Variants in UBE2G1 observed in about 807,000 individuals in gnomAD.
UBE2G1 encodes the protein ubiquitin conjugating enzyme E2 G1.
Under a neutral mutation model 22.7 loss-of-function variants are expected in UBE2G1, and 5 were observed. That is an observed-to-expected ratio of 0.22 (90% CI 0.12 to 0.46). UBE2G1 has a LOEUF of 0.46. Among genes scored for constraint, UBE2G1 ranks in the 20% least tolerant of loss-of-function variants. The pLI is 0.99. For missense variants in UBE2G1, 88 were observed against 203.9 expected, an observed-to-expected ratio of 0.43 and a Z score of 3.46; for synonymous variants, 74 against 67.5, an observed-to-expected ratio of 1.10 and a Z score of -0.47.
chr17:4,274,259 G>A (rs1012903732), intron 5 of UBE2G1, among the ~76,000 whole-genome samples: 6 of 144,754 alleles, frequency 4.1e-5, no homozygotes, highest in Admixed American at 1.4e-4. Context: ...GTGCAGTGGC[G>A]CGATCTCGGC....
At chr17:4,296,634 A>G in intron 3 of UBE2G1, 83 bp downstream of exon 3, 1 of 1,349,610 alleles carries the variant, frequency 7.4e-7, no homozygotes, top group East Asian at 2.3e-5. Context: ...TCACTGAGAA[A>G]CAGATCTTTC....
chr17:4,350,673 A>G (rs537999325), intron 1 of UBE2G1, among the ~76,000 whole-genome samples: 1 of 152,286 alleles, frequency 6.6e-6, no homozygotes, highest in East Asian at 1.9e-4. Context: ...ATGCAGCTAT[A>G]TCATTTTCCT....
At chr17:4,274,927 T>TGTAGTCCCAGCTACTCCAGAGGCTGAG (rs61291097) in intron 5 of UBE2G1, among the ~76,000 whole-genome samples, 1 of 151,810 alleles carries the variant, frequency 6.6e-6, no homozygotes, top group Non-Finnish European at 1.5e-5. Context: ...GGCACATGCC[T>TGTAGTCCCAGCTACTCCAGAGGCTGAG]GTGGGAGGAC....
intron 1 of UBE2G1, among the ~76,000 whole-genome samples, chr17:4,314,075 A>G (rs1969341114): frequency 6.6e-6 from 1 of 152,226 alleles, no homozygotes; most frequent in Non-Finnish European, 1.5e-5. Flanking sequence ...ATAAAATGAC[A>G]TTGCTTTCAA....
At chr17:4,363,343 T>C (rs771485724) in intron 1 of UBE2G1, among the ~76,000 whole-genome samples, 5 of 152,176 alleles carry the variant, frequency 3.3e-5, no homozygotes, top group Non-Finnish European at 7.3e-5. Flanking sequence ...TGCAGCTAAG[T>C]AACTTTACAA....
At chr17:4,333,485 G>A (rs1969606823) in intron 1 of UBE2G1, among the ~76,000 whole-genome samples, 1 of 152,064 alleles carries the variant, frequency 6.6e-6, no homozygotes, top group Non-Finnish European at 1.5e-5. Context: ...ACACCAGCCT[G>A]GCCAACATGG....
At chr17:4,342,454 G>A (rs1002460279) in intron 1 of UBE2G1, among the ~76,000 whole-genome samples, 5 of 152,226 alleles carry the variant, frequency 3.3e-5, no homozygotes, top group South Asian at 2.1e-4. Flanking sequence ...TTAGTCAGGC[G>A]CAGTGGTGCA....
chr17:4,298,555 A>G (rs1969137420), intron 2 of UBE2G1, among the ~76,000 whole-genome samples: 1 of 152,246 alleles, frequency 6.6e-6, no homozygotes, highest in Non-Finnish European at 1.5e-5. Flanking sequence ...GTTTAAAAAA[A>G]GAGACAGATC....
intron 2 of UBE2G1, chr17:4,302,377 T>G: frequency 2.0e-6 from 1 of 488,402 alleles, no homozygotes; most frequent in South Asian, 1.6e-5. Context: ...TGGGTTGCTG[T>G]GTCTTCTGGG....
At chr17:4,286,536 C>T (rs1461399152) in intron 4 of UBE2G1, among the ~76,000 whole-genome samples, 1 of 151,992 alleles carries the variant, frequency 6.6e-6, no homozygotes, top group Non-Finnish European at 1.5e-5. Flanking sequence ...AGATTTTGCA[C>T]AATTTGTGGT....
intron 1 of UBE2G1, among the ~76,000 whole-genome samples, chr17:4,361,949 A>T (rs1284655425): frequency 6.9e-6 from 1 of 144,354 alleles, no homozygotes; most frequent in African/African-American, 2.7e-5. Context: ...GCGACAGAGC[A>T]AGACTGTCTC....
chr17:4,314,213 T>C (rs918125577), intron 1 of UBE2G1, among the ~76,000 whole-genome samples: 1 of 152,170 alleles, frequency 6.6e-6, no homozygotes, highest in African/African-American at 2.4e-5. Context: ...GAGAAATGGC[T>C]GACTCCAGGT....
At chr17:4,297,993 C>T (rs190461632) in intron 2 of UBE2G1, among the ~76,000 whole-genome samples, 315 of 152,190 alleles carry the variant, frequency 2.1e-3, no homozygotes, top group African/African-American at 7.1e-3. Context: ...TAAAAGGATA[C>T]AACAGAGAAC....
intron 1 of UBE2G1, among the ~76,000 whole-genome samples, chr17:4,351,480 G>T (rs1341195303): frequency 6.6e-6 from 1 of 152,100 alleles, no homozygotes; most frequent in Admixed American, 6.6e-5. Context: ...AAATGCTCAG[G>T]GCAGAAGAAG....
intron 1 of UBE2G1, among the ~76,000 whole-genome samples, chr17:4,331,179 A>C (rs980823331): frequency 6.6e-6 from 1 of 152,202 alleles, no homozygotes; most frequent in African/African-American, 2.4e-5. Context: ...CCTTTCTAGA[A>C]GGCAATCAGT....
chr17:4,344,991 C>A (rs1235690352), intron 1 of UBE2G1, among the ~76,000 whole-genome samples: 2 of 152,230 alleles, frequency 1.3e-5, no homozygotes, highest in East Asian at 3.9e-4. Flanking sequence ...AATGAAGAAT[C>A]AAACTTCAAA....
At chr17:4,315,518 A>T (rs1969356272) in intron 1 of UBE2G1, among the ~76,000 whole-genome samples, 1 of 151,850 alleles carries the variant, frequency 6.6e-6, no homozygotes, top group African/African-American at 2.4e-5. Flanking sequence ...AGACGGGCGG[A>T]TCATGAGGTC....
chr17:4,309,955 C>A (rs1051382148), intron 1 of UBE2G1, among the ~76,000 whole-genome samples: 1 of 152,194 alleles, frequency 6.6e-6, no homozygotes, highest in African/African-American at 2.4e-5. Flanking sequence ...CCATGCATTT[C>A]TTCTACAGGC....
intron 1 of UBE2G1, among the ~76,000 whole-genome samples, chr17:4,353,799 C>T (rs773547674): frequency 5.3e-5 from 8 of 149,686 alleles, no homozygotes; most frequent in Non-Finnish European, 1.0e-4. Flanking sequence ...CGTGAGCCAC[C>T]GTGCCCGGTC....
Sources: allele counts gnomAD v4.1 joint callset (sites outside exome capture counted in the v4.1 genomes callset), GRCh38; gene constraint gnomAD v4.1.1; transcripts MANE v1.5; gene names NCBI Gene and HGNC (gene_info 2026-07-23, HGNC 2026-07-21).